Variants in CHRM3 observed in about 807,000 individuals in gnomAD.
The protein encoded by CHRM3 is cholinergic receptor muscarinic 3.
A neutral mutation model predicts 41.8 loss-of-function variants in CHRM3; 11 were observed. The observed-to-expected ratio is 0.26, with a 90% CI of 0.17 to 0.44. The LOEUF (loss-of-function observed/expected upper bound fraction) is 0.44, where lower values mean the gene tolerates loss of function less well. Ranked by LOEUF, CHRM3 falls within the 20% of genes least tolerant of loss-of-function variation. CHRM3 has a pLI of 1.00. For synonymous variants in CHRM3, 297 were observed against 301.4 expected (o/e 0.99, Z 0.15); for missense variants, 571 against 745.4 (o/e 0.77, Z 2.72).
intron 5 of CHRM3, among the ~76,000 whole-genome samples, chr1:239,682,606 T>C (rs1450080647): frequency 2.0e-5 from 3 of 151,966 alleles, no homozygotes; most frequent in Non-Finnish European, 4.4e-5. Flanking sequence ...AGAGTTTCCG[T>C]AAAACTGACA....
intron 3 of CHRM3, among the ~76,000 whole-genome samples, chr1:239,550,094 A>G (rs899481823): frequency 6.6e-6 from 1 of 151,924 alleles, no homozygotes; most frequent in Non-Finnish European, 1.5e-5. Context: ...TTGGCTGCCA[A>G]TCTCCTCTGC....
intron 5 of CHRM3, among the ~76,000 whole-genome samples, chr1:239,779,605 C>T (rs760842938): frequency 6.6e-5 from 10 of 152,198 alleles, no homozygotes; most frequent in Admixed American, 6.5e-4. Flanking sequence ...CATGGTGGCA[C>T]AAGCCTGTCA....
chr1:239,481,604 A>G (rs1666859074), intron 1 of CHRM3, among the ~76,000 whole-genome samples: 1 of 152,236 alleles, frequency 6.6e-6, no homozygotes, highest in Admixed American at 6.5e-5. Context: ...TTCAATTAAA[A>G]GGACGTTGGT....
intron 1 of CHRM3, among the ~76,000 whole-genome samples, chr1:239,486,897 C>T (rs1445756100): frequency 1.3e-5 from 2 of 152,122 alleles, no homozygotes; most frequent in African/African-American, 2.4e-5. Context: ...AAATGTTATT[C>T]ATCTTTATAT....
At chr1:239,657,579 T>C (rs1258588572) in intron 4 of CHRM3, among the ~76,000 whole-genome samples, 1 of 152,258 alleles carries the variant, frequency 6.6e-6, no homozygotes, top group African/African-American at 2.4e-5. Context: ...ACAAGGTTGC[T>C]ACAAGAACAG....
chr1:239,897,378 C>G (rs1304566442), intron 6 of CHRM3, among the ~76,000 whole-genome samples: 1 of 152,168 alleles, frequency 6.6e-6, no homozygotes, highest in South Asian at 2.1e-4. Flanking sequence ...AAGGAATTTT[C>G]TTCACCAGGT....
intron 4 of CHRM3, among the ~76,000 whole-genome samples, chr1:239,651,995 T>G (rs1034687683): frequency 2.4e-4 from 37 of 151,914 alleles, no homozygotes; most frequent in Non-Finnish European, 3.5e-4. Flanking sequence ...GTTTTTTTTT[T>G]TTTTTTTGAT....
intron 3 of CHRM3, among the ~76,000 whole-genome samples, chr1:239,591,513 C>T (rs1664146151): frequency 6.6e-6 from 1 of 151,946 alleles, no homozygotes. Context: ...AAAGCAATGA[C>T]TGCAGCGGAC....
intron 5 of CHRM3, among the ~76,000 whole-genome samples, chr1:239,715,816 G>A (rs1194579600): frequency 6.6e-6 from 1 of 152,106 alleles, no homozygotes; most frequent in South Asian, 2.1e-4. Flanking sequence ...CTGTAAATTA[G>A]GACAGGAGGG....
chr1:239,537,149 C>T (rs371561288), intron 2 of CHRM3, among the ~76,000 whole-genome samples: 3 of 152,178 alleles, frequency 2.0e-5, no homozygotes, highest in South Asian at 4.2e-4. Context: ...GTCTCCTGGA[C>T]GAGTGTCAAT....
At chr1:239,406,652 T>C (rs1257299011) in intron 1 of CHRM3, among the ~76,000 whole-genome samples, 2 of 152,162 alleles carry the variant, frequency 1.3e-5, no homozygotes, top group Admixed American at 6.5e-5. Flanking sequence ...GGGTGCCATA[T>C]TGTATGTTTT....
At chr1:239,415,172 G>A (rs1430036322) in intron 1 of CHRM3, among the ~76,000 whole-genome samples, 1 of 152,188 alleles carries the variant, frequency 6.6e-6, no homozygotes, top group Non-Finnish European at 1.5e-5. Flanking sequence ...ATTCCAACCT[G>A]GTGCGGTGGC....
intron 1 of CHRM3, among the ~76,000 whole-genome samples, chr1:239,404,428 A>G (rs1558195911): frequency 1.8e-5 from 2 of 113,626 alleles, no homozygotes; most frequent in East Asian, 2.8e-4. Flanking sequence ...GAAAGAAAGA[A>G]AGAAAGAAAG....
At chr1:239,806,797 A>G (rs12059546) in intron 5 of CHRM3, among the ~76,000 whole-genome samples, 44,639 of 152,174 alleles carry the variant, frequency 0.29, 8,034 homozygotes, top group African/African-American at 0.51. Context: ...AATGCTGGCC[A>G]ATAAGGAGAA....
chr1:239,700,505 C>G (rs1660583888), intron 5 of CHRM3, among the ~76,000 whole-genome samples: 1 of 152,254 alleles, frequency 6.6e-6, no homozygotes, highest in Admixed American at 6.5e-5. Context: ...AAGAACAAAT[C>G]TAATTCCACT....
chr1:239,837,200 C>T (rs1317245465), intron 6 of CHRM3, among the ~76,000 whole-genome samples: 1 of 152,110 alleles, frequency 6.6e-6, no homozygotes, highest in Non-Finnish European at 1.5e-5. Context: ...GAGACCACGT[C>T]TTACTTTTCT....
chr1:239,557,641 A>T (rs959044590), intron 3 of CHRM3, among the ~76,000 whole-genome samples: 9 of 151,880 alleles, frequency 5.9e-5, no homozygotes, highest in African/African-American at 2.2e-4. Context: ...CCACCGCTCC[A>T]CCGTCCCCCA....
At chr1:239,496,034 C>G (rs1667854490) in intron 2 of CHRM3, among the ~76,000 whole-genome samples, 1 of 152,096 alleles carries the variant, frequency 6.6e-6, no homozygotes, top group South Asian at 2.1e-4. Context: ...AAGCTTAAGT[C>G]TGTGCTATGT....
At chr1:239,505,643 T>C (rs1241461059) in intron 2 of CHRM3, among the ~76,000 whole-genome samples, 2 of 152,176 alleles carry the variant, frequency 1.3e-5, no homozygotes, top group African/African-American at 2.4e-5. Context: ...TGCATCAAAA[T>C]GGACCAATAC....
Sources: gnomAD v4.1 joint callset for allele counts (sites outside exome capture counted in the v4.1 genomes callset) on GRCh38, gnomAD v4.1.1 for gene constraint, MANE v1.5 for transcripts, NCBI Gene and HGNC (gene_info 2026-07-23, HGNC 2026-07-21) for gene names.